KCNK10: variants seen among roughly 807,000 people sequenced by gnomAD.
KCNK10 encodes potassium channel subfamily K member 10.
KCNK10 carries 25 observed loss-of-function variants against 47.7 expected under a neutral mutation model. The ratio of observed to expected loss-of-function variants is 0.52; its 90% CI spans 0.38 to 0.73. KCNK10 has a LOEUF of 0.73. Among genes scored for constraint, KCNK10 ranks in the 30% least tolerant of loss-of-function variants. The pLI is 0.00. For missense variants in KCNK10, 563 were observed against 714.5 expected, an observed-to-expected ratio of 0.79 and a Z score of 2.42; for synonymous variants, 303 against 285.6, an observed-to-expected ratio of 1.06 and a Z score of -0.61.
At position 88,316,235 on chromosome 14, in the gene KCNK10, C is replaced by T. The variant is rs369292108; in HGVS notation, c.52+6512G>A. ...CCCCTGCCAGTGATTATGACCCTTA[C>T]TCCCTCCCTTCAACCCTAAATGGAG... On this transcript the variant is annotated intron_variant, in intron 1 of 6. Transcript: ENST00000319231. Among the ~76,000 whole-genome samples the T allele has an allele frequency of 6.6e-5, 10 of 152,190 alleles. No individual in the cohort carries two copies. In the South Asian group the frequency reaches 1.2e-3, roughly 19 times the overall value.
intron 4 of KCNK10, among the ~76,000 whole-genome samples, chr14:88,195,913 G>T (rs1335171974): frequency 6.6e-6 from 1 of 152,170 alleles, no homozygotes; most frequent in South Asian, 2.1e-4. Flanking sequence ...AGGCAAAATT[G>T]CATGGCTTAC....
intron 2 of KCNK10, among the ~76,000 whole-genome samples, chr14:88,262,556 C>T (rs536299700): frequency 3.9e-5 from 6 of 152,318 alleles, no homozygotes; most frequent in Admixed American, 1.3e-4. Context: ...CTTTAGGCTG[C>T]AGTTCAAGTT....
chr14:88,286,120 A>G (rs1887754667), intron 1 of KCNK10, among the ~76,000 whole-genome samples: 1 of 152,126 alleles, frequency 6.6e-6, no homozygotes, highest in African/African-American at 2.4e-5. Flanking sequence ...CTCAGCCAAG[A>G]GCCAGAATCA....
In KCNK10 at chr14:88,322,072, C is replaced by G. The variant is rs549865589; in HGVS notation, c.52+675G>C. ...TAAAAGCATGCAAACCACACCATTG[C>G]TTGGGCGGGCACACTTCGTGCCCCT... On this transcript the variant is annotated intron_variant, in intron 1 of 6. Transcript: ENST00000319231. This position sits in a 1 kb window ranked among gnomAD's most constrained non-coding sequence, Gnocchi z 4.8. Among the ~76,000 whole-genome samples, 4 of 152,346 alleles carry G rather than the reference C, an allele frequency of 2.6e-5. No individual in the cohort carries two copies. In the South Asian group the frequency reaches 8.3e-4, roughly 32 times the overall value.
rs981277149 is a variant in KCNK10, at chr14:88,185,779, T to C, written c.1388A>G (p.Asn463Ser). ...GSTSRLTKRK[N>S]KDLKKTLPED... ...GGGCAAGGTCTTTTTGAGGTCCTTG[T>C]TTTTCCTCTTGGTGAGTCTGGAGGT... Residue 463 changes from asparagine (N) to serine (S), a missense_variant, in exon 7 of 7, where the codon AAC becomes AGC. Coordinates refer to ENST00000319231, the MANE Select transcript of KCNK10 (RefSeq NM_138317.3). This position sits in a 1 kb window ranked among gnomAD's most constrained non-coding sequence, Gnocchi z 4.3. 1.9e-6 allele frequency: 3 copies of C among 1,614,050 alleles called. No homozygotes were observed. In the African/African-American group the frequency reaches 4.0e-5, roughly 22 times the overall value.
chr14:88,228,195 C>A (rs1001197431), intron 3 of KCNK10, among the ~76,000 whole-genome samples: 2 of 152,164 alleles, frequency 1.3e-5, no homozygotes, highest in African/African-American at 4.8e-5. Context: ...CCTCTCCGCC[C>A]AACTACCTCT....
intron 1 of KCNK10, among the ~76,000 whole-genome samples, chr14:88,312,703 G>T (rs1462259607): frequency 2.0e-5 from 3 of 152,200 alleles, no homozygotes; most frequent in Non-Finnish European, 4.4e-5. Flanking sequence ...AGAAAAAATA[G>T]GGTGGATTAT....
At chr14:88,218,522 A>C (rs1885695998) in intron 4 of KCNK10, among the ~76,000 whole-genome samples, 1 of 152,098 alleles carries the variant, frequency 6.6e-6, no homozygotes, top group African/African-American at 2.4e-5. Context: ...AAGCAAATAA[A>C]CATTTCTGCC....
intron 4 of KCNK10, among the ~76,000 whole-genome samples, chr14:88,206,487 T>C (rs1369950263): frequency 6.6e-6 from 1 of 152,242 alleles, no homozygotes; most frequent in East Asian, 1.9e-4. Context: ...TGTTTGCATC[T>C]TTTCAAAGTT....
intron 3 of KCNK10, among the ~76,000 whole-genome samples, chr14:88,229,700 G>A (rs1031931344): frequency 3.3e-5 from 5 of 152,218 alleles, no homozygotes; most frequent in South Asian, 2.1e-4. Context: ...ATGCATGGGC[G>A]TGTGTGTGAG....
intron 1 of KCNK10, among the ~76,000 whole-genome samples, chr14:88,317,749 T>A (rs1379195082): frequency 2.0e-5 from 3 of 152,240 alleles, no homozygotes; most frequent in Non-Finnish European, 2.9e-5. Flanking sequence ...TAGGGTTTTT[T>A]AAAGTACAAA....
At chr14:88,245,274 A>G (rs1886598365) in intron 2 of KCNK10, among the ~76,000 whole-genome samples, 1 of 152,238 alleles carries the variant, frequency 6.6e-6, no homozygotes, top group South Asian at 2.1e-4. Context: ...TGGAGAGCTG[A>G]CTTGAAAGAG....
intron 4 of KCNK10, among the ~76,000 whole-genome samples, chr14:88,193,171 G>A (rs192827115): frequency 2.8e-4 from 43 of 152,264 alleles, no homozygotes; most frequent in Middle Eastern, 6.8e-3. Flanking sequence ...ACAATTAGAT[G>A]GACTTAATGA....
intron 1 of KCNK10, among the ~76,000 whole-genome samples, chr14:88,310,198 G>GGTATATCATATACCATATCATATT (rs1888290973): frequency 8.2e-6 from 1 of 122,144 alleles, no homozygotes; most frequent in Non-Finnish European, 1.9e-5. Context: ...CATATCATAT[G>GGTATATCATATACCATATCATATT]GTATATGATA....
chr14:88,261,392 G>C (rs1887107412), intron 2 of KCNK10, among the ~76,000 whole-genome samples: 1 of 152,172 alleles, frequency 6.6e-6, no homozygotes, highest in Non-Finnish European at 1.5e-5. Context: ...TAGCATGCTA[G>C]GCTTTAAATC....
chr14:88,270,656 A>G, intron 1 of KCNK10: 1 of 777,526 alleles, frequency 1.3e-6, no homozygotes, highest in Non-Finnish European at 2.4e-6. Flanking sequence ...ACTGGGGGGA[A>G]GAGGGAGCTA....
At chr14:88,258,708 T>C (rs1414441378) in intron 2 of KCNK10, among the ~76,000 whole-genome samples, 8 of 152,216 alleles carry the variant, frequency 5.3e-5, no homozygotes, top group Admixed American at 5.2e-4. Flanking sequence ...AATGAATGGA[T>C]GAGAATGTCC....
At chr14:88,229,944 G>T (rs1440707724) in intron 3 of KCNK10, among the ~76,000 whole-genome samples, 1 of 151,882 alleles carries the variant, frequency 6.6e-6, no homozygotes, top group East Asian at 1.9e-4. Flanking sequence ...TTGTCTGTAG[G>T]CTCTAGAACT....
chr14:88,185,295 G>C lies in KCNK10; in HGVS notation c.*240C>G, dbSNP rs942753944. The stretch of plus-strand genomic sequence containing the variant: ...GCCCTTAACATGTACGGCCAGAACC[G>C]GCTACGTGCACGGACACTCTTGGTG... On this transcript the variant is annotated 3_prime_UTR_variant, in exon 7 of 7. Transcript: ENST00000319231. The surrounding 1 kb of genome is among the most constrained non-coding windows in gnomAD (Gnocchi z 4.3). 1.7e-5 allele frequency: 9 copies of C among 528,310 alleles called. No individual in the cohort carries two copies. The highest frequency in any genetic ancestry group is 2.9e-5 in the Non-Finnish European group (9 of 308,240). The allele number at this position is 528,310 out of a possible 1,614,324, so 32.7% of individuals were successfully genotyped here. A position where few individuals can be genotyped will look rare whatever the true frequency, so the allele number is the denominator to read the frequency against.
Sources: gnomAD v4.1 joint callset for allele counts (sites outside exome capture counted in the v4.1 genomes callset) on GRCh38, gnomAD v4.1.1 for gene constraint, Gnocchi (gnomAD v3.1) non-coding constraint, MANE v1.5 for transcripts, NCBI Gene and HGNC (gene_info 2026-07-23, HGNC 2026-07-21) for gene names.